Variants in GNAT2 observed in about 807,000 individuals in gnomAD.
GNAT2 encodes G protein subunit alpha transducin 2.
A neutral mutation model predicts 40.9 loss-of-function variants in GNAT2; 32 were observed. That is an observed-to-expected ratio of 0.78 (90% confidence interval 0.59 to 1.05). GNAT2 has a LOEUF of 1.05. Ranked by LOEUF, GNAT2 falls within the 50% of genes least tolerant of loss-of-function variation. The pLI, the probability that GNAT2 is intolerant of heterozygous loss-of-function variation, is 0.00. For missense variants in GNAT2, 355 were observed against 431.5 expected, an observed-to-expected ratio of 0.82 and a Z score of 1.57; for synonymous variants, 141 against 157.2, an observed-to-expected ratio of 0.90 and a Z score of 0.77.
intron 1 of GNAT2, 159 bp from the exon 2 acceptor site, chr1:109,613,082 A>C (rs1027082056): frequency 3.0e-4 from 180 of 600,592 alleles, no homozygotes; most frequent in Non-Finnish European, 3.1e-4. Flanking sequence ...CTGGAGACCT[A>C]CTTCTTAGTC....
Position 109,612,743 on chromosome 1 carries a change from TCTCA to T in GNAT2, c.118+6_118+9del, listed in dbSNP as rs561211882. The T allele has an allele frequency of 4.0e-5, 60 of 1,508,030 alleles. No individual in the cohort carries two copies. The highest frequency in any genetic ancestry group is 4.7e-5 in the Non-Finnish European group (51 of 1,083,266). The allele number at this position is 1,508,030 out of a possible 1,614,324, so 93.4% of individuals were successfully genotyped here. A position where few individuals can be genotyped will look rare whatever the true frequency, so the allele number is the denominator to read the frequency against. Reference sequence around the variant, plus strand: ...CTGCCTTCTCTGGCTCATCTTCCCATCTCACTCACCCAGCAGTAGCAGCTTGACA... The same window carrying T: ...CTGCCTTCTCTGGCTCATCTTCCCATCTCACCCAGCAGTAGCAGCTTGACA... On this transcript the variant is annotated splice_donor_region_variant and intron_variant, in intron 2 of 8. Transcript: ENST00000679935.
Position 109,606,012 on chromosome 1 carries a change from G to C in GNAT2, c.678C>G (p.Ala226=). The part of the protein sequence containing the change: ...EGVTCIIFCA[A]LSAYDMVLVE... ...CCAGCACCATATCATAGGCACTGAGGGCTGCACAGAAAATGATGCAGGTGA... is the reference window on the plus strand; with the variant it reads ...CCAGCACCATATCATAGGCACTGAGCGCTGCACAGAAAATGATGCAGGTGA... Residue 226 remains alanine, a synonymous_variant, in exon 7 of 9, where the codon GCC becomes GCG. Coordinates refer to ENST00000679935, the MANE Select transcript of GNAT2 (RefSeq NM_001377295.2). The C allele has an allele frequency of 6.2e-7, 1 of 1,613,272 alleles. No individual in the cohort carries two copies. The highest frequency in any genetic ancestry group is 1.7e-4 in the Middle Eastern group (1 of 6,040).
Position 109,610,058 on chromosome 1 carries a change from A to T in GNAT2, c.285T>A (p.Tyr95Ter). Residue 95 changes from tyrosine to a stop codon, truncating the protein, a stop_gained, in exon 4 of 9, where the codon TAT becomes TAA. Coordinates refer to ENST00000679935, the MANE Select transcript of GNAT2 (RefSeq NM_001377295.2). LOFTEE classifies it high-confidence loss of function. The stretch of plus-strand genomic sequence containing the variant: ...CACATACCGCACAGCTTGGTTCAGC[A>T]TAATCGATGCCCAGTGTGGTCATGG... ...IRAMTTLGIDYAEPSCADDGR... is the reference protein window; with the variant it reads ...IRAMTTLGID The T allele has an allele frequency of 6.2e-7, 1 of 1,614,158 alleles. No individual in the cohort carries two copies.
chr1:109,618,233 G>A (rs1042214704), intron 1 of GNAT2: 3 of 152,160 alleles, frequency 2.0e-5, no homozygotes, highest in Non-Finnish European at 4.4e-5. Flanking sequence ...ACATAAGTAG[G>A]ACCATACTGT....
At position 109,603,330 on chromosome 1, in the gene GNAT2, C is replaced by A. The variant is rs762152575; in HGVS notation, c.*24G>T. The stretch of plus-strand genomic sequence containing the variant: ...CCAGATTCCAAGCCTGTTTATAGAA[C>A]TTATACCTGAGGAATGGTGAGGATT... On this transcript the variant is annotated 3_prime_UTR_variant, in exon 9 of 9. Transcript: ENST00000679935. 7.2e-7 allele frequency: 1 copy of A among 1,386,156 alleles called. No individual in the cohort carries two copies. Among genetic ancestry groups the A allele is most frequent in the African/African-American group, 1.4e-5 (1 of 70,484 alleles). 85.9% of individuals were successfully genotyped at this position (1,386,156 alleles called of 1,614,324 possible). A position where few individuals can be genotyped will look rare whatever the true frequency, so the allele number is the denominator to read the frequency against.
intron 2 of GNAT2, chr1:109,612,399 G>A (rs1649824333): frequency 2.8e-6 from 1 of 354,584 alleles, no homozygotes; most frequent in Admixed American, 3.9e-5. Context: ...TTGGCTTAGA[G>A]TTCTCTGCAG....
intron 1 of GNAT2, chr1:109,614,057 T>C (rs1011581062): frequency 2.0e-5 from 3 of 152,260 alleles, no homozygotes; most frequent in South Asian, 2.1e-4. Flanking sequence ...TGAGTGTTGC[T>C]GGCGGAGCCT....
intron 2 of GNAT2, 98 bp downstream of exon 2, chr1:109,612,655 C>A: frequency 1.2e-6 from 1 of 802,884 alleles, no homozygotes; most frequent in South Asian, 1.3e-5. Flanking sequence ...AATGACCTGC[C>A]ACCCTTCCTT....
At chr1:109,605,879 A>G in intron 7 of GNAT2, 91 bp downstream of exon 7, 3 of 1,139,196 alleles carry the variant, frequency 2.6e-6, no homozygotes, top group Admixed American at 3.4e-5. Flanking sequence ...GAAATTACCT[A>G]AGTTGGGGCA....
rs762247888 is a variant in GNAT2 at position 109,608,759 on chromosome 1, A to G, written c.333T>C (p.Ala111=). The G allele has an allele frequency of 6.2e-7, 1 of 1,614,130 alleles. No individual in the cohort carries two copies. The highest frequency in any genetic ancestry group is 2.2e-5 in the East Asian group (1 of 44,878). The change falls in exon 5 of 9, where the codon GCT becomes GCC. Residue 111 remains alanine (A), a synonymous_variant. Coordinates refer to ENST00000679935, the MANE Select transcript of GNAT2 (RefSeq NM_001377295.2). ...GCATGGTTCCCTCCTCAATGGAGTC[A>G]GCCAGGTTGTTGAGCTGTCGCCCGT... ...ADDGRQLNNL[A]DSIEEGTMPP...
chr1:109,614,275 T>G (rs972340734), intron 1 of GNAT2: 2 of 152,252 alleles, frequency 1.3e-5, no homozygotes, highest in African/African-American at 4.8e-5. Flanking sequence ...TGTTTTCCGC[T>G]AAACTTACCT....
Position 109,603,206 on chromosome 1 carries a change from G to A in GNAT2, c.*148C>T, listed in dbSNP as rs181423531. On this transcript the variant is annotated 3_prime_UTR_variant, in exon 9 of 9. Transcript: ENST00000679935. ...ATAGCTATCCCACTTTGAAAAGAAC[G>A]TATGAAATACAGTTGCAGTCATGTA... is the stretch of plus-strand genomic sequence containing the variant. 95 of 675,462 alleles carry A rather than the reference G, an allele frequency of 1.4e-4. No individual in the cohort carries two copies. Among genetic ancestry groups the A allele is most frequent in the African/African-American group, 1.3e-3 (73 of 56,002 alleles). The allele number at this position is 675,462 out of a possible 1,614,324, so 41.8% of individuals were successfully genotyped here.
At chr1:109,607,133 AAAAG>A (rs1177425519) in intron 5 of GNAT2, 1 of 152,000 alleles carries the variant, frequency 6.6e-6, no homozygotes. Context: ...GTTACCTTAA[AAAAG>A]AAAAAGTTAT....
At chr1:109,603,642 A>G in intron 8 of GNAT2, 98 bp from the exon 9 acceptor site, 1 of 833,386 alleles carries the variant, frequency 1.2e-6, no homozygotes, top group Non-Finnish European at 2.1e-6. Context: ...AAATGTTATT[A>G]GACAACAGCA....
chr1:109,606,139 A>G, intron 6 of GNAT2, 40 bp from the exon 7 acceptor site: 2 of 1,611,594 alleles, frequency 1.2e-6, no homozygotes, highest in South Asian at 1.1e-5. Context: ...TATGCCCAAC[A>G]TACGACCTAT....
At chr1:109,604,213 A>C in intron 7 of GNAT2, 109 bp from the exon 8 acceptor site, 1 of 840,438 alleles carries the variant, frequency 1.2e-6, no homozygotes, top group Non-Finnish European at 2.0e-6. Context: ...TGTAAAAAGC[A>C]AGACAGAGAA....
chr1:109,617,527 A>G (rs1196311669), intron 1 of GNAT2: 2 of 152,162 alleles, frequency 1.3e-5, no homozygotes, highest in Non-Finnish European at 2.9e-5. Flanking sequence ...AGACAATGAA[A>G]CCTCACTGAG....
Position 109,612,803 on chromosome 1 carries a change from A to T in GNAT2, c.68T>A (p.Leu23Gln). The T allele has an allele frequency of 6.2e-7, 1 of 1,613,446 alleles. No homozygotes were observed. The highest frequency in any genetic ancestry group is 8.5e-7 in the Non-Finnish European group (1 of 1,179,392). ...AKRSKELEKK[L>Q]QEDADKEAKT... ...GGCTTCCTTATCAGCATCCTCCTGCAGCTTCTTTTCTAGCTCCTTGGACCT... is the reference window on the plus strand; with the variant it reads ...GGCTTCCTTATCAGCATCCTCCTGCTGCTTCTTTTCTAGCTCCTTGGACCT... The change falls in exon 2 of 9, where the codon CTG (leucine) becomes CAG (glutamine). Residue 23 changes from leucine (L) to glutamine (Q), a missense_variant. Physicochemically the swap from Leu to Gln is moderately radical, Grantham distance 113. Coordinates refer to ENST00000679935, the MANE Select transcript of GNAT2 (RefSeq NM_001377295.2).
rs973704468 is a variant in GNAT2 at position 109,603,431 on chromosome 1, G to A, written c.988C>T (p.Gln330Ter). ...GCATCAAACACAAATTTGACATTCTGTGTATCTGTAGCACAGGTCATGTGA... is the reference window on the plus strand; with the variant it reads ...GCATCAAACACAAATTTGACATTCTATGTATCTGTAGCACAGGTCATGTGA... ...YSHMTCATDT[Q>*]NVKFVFDAVT... The change falls in exon 9 of 9, where the codon CAG becomes TAG. Residue 330 changes from glutamine to a stop codon, truncating the protein, a stop_gained. Transcript: ENST00000679935. LOFTEE classifies it high-confidence loss of function. 1 of 1,601,504 alleles carries A rather than the reference G, an allele frequency of 6.2e-7. No homozygotes were observed. The highest frequency in any genetic ancestry group is 8.6e-7 in the Non-Finnish European group (1 of 1,168,546).
Sources: allele counts gnomAD v4.1 joint callset, GRCh38; gene constraint gnomAD v4.1.1; transcripts MANE v1.5; gene names NCBI Gene and HGNC (gene_info 2026-07-23, HGNC 2026-07-21).